The following MCM3AP variants were observed in gnomAD, a reference collection of about 807,000 sequenced individuals.
The protein encoded by MCM3AP is minichromosome maintenance complex component 3 associated protein, also known as germinal-center associated nuclear protein.
Under a neutral mutation model 184.1 loss-of-function variants are expected in MCM3AP, and 126 were observed. The ratio of observed to expected loss-of-function variants is 0.68; its 90% confidence interval spans 0.59 to 0.79. The LOEUF is 0.79. Ranked by LOEUF, MCM3AP falls within the 30% of genes least tolerant of loss-of-function variation. The probability of loss-of-function intolerance (pLI) is 0.00; values close to 1 mark genes in which losing one functional copy is unlikely to be tolerated. For missense variants in MCM3AP, 2,496 were observed against 2,479.2 expected (o/e 1.01, Z -0.14); for synonymous variants, 1,002 against 979.3 (o/e 1.02, Z -0.43).
In MCM3AP at chr21:46,283,672, C is replaced by T; in HGVS notation, c.1386G>A (p.Val462=). Reference sequence around the variant, plus strand: ...TGCTGCGCCTGGTAAAGATGCGCTGCACTTTAGCAATTTTGCCAAAATGGT... The same window carrying T: ...TGCTGCGCCTGGTAAAGATGCGCTGTACTTTAGCAATTTTGCCAAAATGGT... ...LENHFGKIAK[V]QRIFTRRSKK... is the part of the protein sequence containing the mutation. Residue 462 remains valine (V), a synonymous_variant, in exon 2 of 28, where the codon GTG becomes GTA. Transcript: ENST00000291688. 3 of 1,614,162 alleles carry T rather than the reference C, an allele frequency of 1.9e-6. No homozygotes were observed. The highest frequency in any genetic ancestry group is 2.5e-6 in the Non-Finnish European group (3 of 1,180,022).
intron 22 of MCM3AP, among the ~76,000 whole-genome samples, chr21:46,245,584 C>G (rs1459794944): frequency 2.6e-5 from 4 of 152,184 alleles, no homozygotes; most frequent in African/African-American, 9.6e-5. Flanking sequence ...GCCTTCACAC[C>G]CTATGGTTAT....
In MCM3AP at chr21:46,273,564, T is replaced by A; in HGVS notation, c.2020A>T (p.Lys674Ter). 1 of 1,613,776 alleles carries A rather than the reference T, an allele frequency of 6.2e-7. No homozygotes were observed. The highest frequency in any genetic ancestry group is 8.5e-7 in the Non-Finnish European group (1 of 1,179,840). Residue 674 changes from lysine (K) to a stop codon, truncating the protein, a stop_gained, in exon 7 of 28, where the codon AAA becomes TAA. Coordinates refer to ENST00000291688, the MANE Select transcript of MCM3AP (RefSeq NM_003906.5). LOFTEE classifies it high-confidence loss of function. ...TCCGCCGAGGACCGACTGTACTCTTTCACAGCTGCTGCGTGGTCCACCTAG... is the reference window on the plus strand; with the variant it reads ...TCCGCCGAGGACCGACTGTACTCTTACACAGCTGCTGCGTGGTCCACCTAG... ...TDQVDHAAAV[K>*]EYSRSSADQE...
chr21:46,282,594 G>A (rs2081347639), intron 2 of MCM3AP, among the ~76,000 whole-genome samples: 1 of 152,102 alleles, frequency 6.6e-6, no homozygotes, highest in African/African-American at 2.4e-5. Context: ...CGTGAGGTCA[G>A]GAGATCGAGA....
chr21:46,263,010 A>G (rs998633820), intron 13 of MCM3AP, among the ~76,000 whole-genome samples: 12 of 149,620 alleles, frequency 8.0e-5, no homozygotes, highest in Non-Finnish European at 1.8e-4. Flanking sequence ...CTACAGACCA[A>G]TATCCCTCAT....
At chr21:46,267,309 G>A in intron 9 of MCM3AP, 167 bp from the exon 10 acceptor site, 1 of 629,296 alleles carries the variant, frequency 1.6e-6, no homozygotes, top group Non-Finnish European at 2.8e-6. Flanking sequence ...AGAGATCATA[G>A]GCGGTCTGCT....
intron 4 of MCM3AP, among the ~76,000 whole-genome samples, chr21:46,279,547 C>T (rs2081300873): frequency 6.6e-6 from 1 of 152,222 alleles, no homozygotes; most frequent in Non-Finnish European, 1.5e-5. Context: ...AGCAGCCTCC[C>T]CTGGATCTCC....
chr21:46,243,421 A>C (rs1324873134), intron 24 of MCM3AP, 44 bp downstream of exon 24: 1 of 1,541,044 alleles, frequency 6.5e-7, no homozygotes, highest in Non-Finnish European at 8.7e-7. Context: ...TGGACCAGGA[A>C]AGTCTCGTGA....
intron 4 of MCM3AP, among the ~76,000 whole-genome samples, chr21:46,278,439 G>A (rs934905930): frequency 1.3e-5 from 2 of 152,124 alleles, no homozygotes; most frequent in Admixed American, 1.3e-4. Flanking sequence ...GTCACAAAAC[G>A]GAAAGTGAGG....
At chr21:46,273,322 A>G in intron 7 of MCM3AP, 66 bp downstream of exon 7, 2 of 1,436,128 alleles carry the variant, frequency 1.4e-6, no homozygotes, top group Non-Finnish European at 9.8e-7. Flanking sequence ...CAGAGTAATA[A>G]AAATATCAGT....
chr21:46,239,821 G>A (rs1312850998), intron 26 of MCM3AP, among the ~76,000 whole-genome samples: 1 of 152,062 alleles, frequency 6.6e-6, no homozygotes, highest in Non-Finnish European at 1.5e-5. Context: ...GCTGGGGGAT[G>A]AGGAGGAACC....
Position 46,266,103 on chromosome 21 carries a change from C to T in MCM3AP, c.2853G>A (p.Ser951=), listed in dbSNP as rs140050907. ...EPEGLSKTRK[S]VFITRKLTVS... Reference sequence around the variant, plus strand: ...CCGTCAGCTTCCTAGTAATAAACACCGACTTCCTGGTCTTGGATAATCCCT... The same window carrying T: ...CCGTCAGCTTCCTAGTAATAAACACTGACTTCCTGGTCTTGGATAATCCCT... Residue 951 remains serine, a synonymous_variant, in exon 11 of 28, where the codon TCG becomes TCA. Transcript: ENST00000291688. The T allele has an allele frequency of 1.8e-5, 29 of 1,612,334 alleles. No homozygotes were observed. Among genetic ancestry groups the T allele is most frequent in the Admixed American group, 1.7e-4 (10 of 59,900 alleles).
chr21:46,270,222 C>T, intron 9 of MCM3AP, 179 bp downstream of exon 9: 1 of 523,430 alleles, frequency 1.9e-6, no homozygotes. Context: ...GGATGGTGAC[C>T]AACAGTGATA....
chr21:46,265,551 T>C lies in MCM3AP; in HGVS notation c.3032-28A>G, dbSNP rs756838045. ...GGAAGGAAACATACAGGACAAAACA[T>C]AGCTGCAGACACAGGGTGCCTGGCA... On this transcript the variant is annotated intron_variant, in intron 11 of 27. Transcript: ENST00000291688. The C allele has an allele frequency of 3.3e-6, 5 of 1,525,690 alleles. No homozygotes were observed. The Admixed American group carries it at 6.1e-5, about 19-fold the overall frequency. The allele number at this position is 1,525,690 out of a possible 1,614,324, so 94.5% of individuals were successfully genotyped here.
At chr21:46,283,922 T>C (rs1484528705) in intron 1 of MCM3AP, 84 bp from the exon 2 acceptor site, 1 of 1,554,654 alleles carries the variant, frequency 6.4e-7, no homozygotes, top group African/African-American at 1.4e-5. Flanking sequence ...AGAGGAAATT[T>C]TCAGATGTAA....
At position 46,251,532 on chromosome 21, in the gene MCM3AP, T is replaced by C. The variant is rs753235638; in HGVS notation, c.4287A>G (p.Ile1429Met). The C allele has an allele frequency of 1.9e-6, 3 of 1,603,848 alleles. No individual in the cohort carries two copies. The highest frequency in any genetic ancestry group is 3.4e-5 in the Admixed American group (2 of 59,414). ...GDQMISVNVCIKVAHGALSDG... is the reference protein window; with the variant it reads ...GDQMISVNVCMKVAHGALSDG... ...ACACAAAGTAATTATAGTTCACCTT[T>C]ATACACACGTTAACAGAAATCATCT... is the stretch of plus-strand genomic sequence containing the variant. The change falls in exon 20 of 28, where the codon ATA becomes ATG. Residue 1429 changes from isoleucine (I) to methionine (M), a missense_variant. Ile to Met is a conservative substitution (Grantham distance 10). Transcript: ENST00000291688.
chr21:46,251,393 A>C (rs2080865920), intron 20 of MCM3AP, 136 bp downstream of exon 20: 1 of 688,946 alleles, frequency 1.5e-6, no homozygotes, highest in Non-Finnish European at 2.3e-6. Context: ...GGACAGACAT[A>C]ATACTTGCTT....
At position 46,259,354 on chromosome 21, in the gene MCM3AP, G is replaced by A. The variant is rs1225375821; in HGVS notation, c.3582-263C>T. 3.0e-5 allele frequency: 8 copies of A among 265,240 alleles called. No individual in the cohort carries two copies. In the South Asian group the frequency reaches 5.0e-4, roughly 17 times the overall value. The allele number at this position is 265,240 out of a possible 1,614,324, so 16.4% of individuals were successfully genotyped here. On this transcript the variant is annotated intron_variant, in intron 15 of 27. Coordinates refer to ENST00000291688, the MANE Select transcript of MCM3AP (RefSeq NM_003906.5). ...GCCTGTAGTCCCAGCTACTCGGGAG[G>A]CTGAAGCAGGAGAATGACGTGAAGC...
At position 46,277,677 on chromosome 21, in the gene MCM3AP, A is replaced by G; in HGVS notation, c.1708T>C (p.Phe570Leu). Residue 570 changes from phenylalanine to leucine, a missense_variant, in exon 5 of 28, where the codon TTC (phenylalanine) becomes CTC (leucine). Physicochemically the swap from Phe to Leu is conservative, Grantham distance 22 (BLOSUM62 0). This residue lies in a region of MCM3AP where 800 missense variants were observed against 717.1 expected (regional missense o/e 1.12). Coordinates refer to ENST00000291688, the MANE Select transcript of MCM3AP (RefSeq NM_003906.5). Reference sequence around the variant, plus strand: ...GCTGAGTCAAAAGAGTCTCCCTCGAATTGGTGGGCCTTTAGAAGACTTGGC... The same window carrying G: ...GCTGAGTCAAAAGAGTCTCCCTCGAGTTGGTGGGCCTTTAGAAGACTTGGC... ...KKPSLLKAHQ[F>L]EGDSFDSASE... The G allele has an allele frequency of 6.2e-7, 1 of 1,605,476 alleles. No individual in the cohort carries two copies. Among genetic ancestry groups the G allele is most frequent in the Non-Finnish European group, 8.5e-7 (1 of 1,175,844 alleles).
In MCM3AP at chr21:46,242,707, G is replaced by A. The variant is rs534544064; in HGVS notation, c.5426+95C>T. 1.9e-5 allele frequency: 24 copies of A among 1,270,364 alleles called. No homozygotes were observed. The South Asian group carries it at 3.4e-4, about 18-fold the overall frequency. 78.7% of individuals were successfully genotyped at this position (1,270,364 alleles called of 1,614,324 possible). On this transcript the variant is annotated intron_variant, in intron 25 of 27. Transcript: ENST00000291688. ...GATTTGTCACAGTCTGCCCACAGTG[G>A]ACTGGATTTGGCATGTAGGATGTTA...
Sources: gnomAD v4.1 joint callset for allele counts (sites outside exome capture counted in the v4.1 genomes callset) on GRCh38, gnomAD v4.1.1 for gene constraint, gnomAD v4.1.1 regional missense constraint, MANE v1.5 for transcripts, NCBI Gene and HGNC (gene_info 2026-07-23, HGNC 2026-07-21) for gene names.